Variants in LY9 observed in about 807,000 individuals in gnomAD.
LY9 encodes lymphocyte antigen 9.
A neutral mutation model predicts 64.6 loss-of-function variants in LY9; 59 were observed. The observed-to-expected ratio is 0.91, with a 90% confidence interval of 0.74 to 1.13. LY9 has a LOEUF of 1.13. Among genes scored for constraint, LY9 ranks in the 50% most tolerant of loss-of-function variants. LY9 has a pLI of 0.00. For missense variants in LY9, 789 were observed against 797.2 expected (o/e 0.99, Z 0.12); for synonymous variants, 281 against 308.5 (o/e 0.91, Z 0.93).
At chr1:160,809,011 GTAGAAATATTGTTTCTGCTTA>G (rs1440713175) in intron 2 of LY9, among the ~76,000 whole-genome samples, 3 of 151,986 alleles carry the variant, frequency 2.0e-5, no homozygotes, top group Non-Finnish European at 2.9e-5. Flanking sequence ...TCTCCTACTT[GTAGAAATATTGTTTCTGCTTA>G]TAGAAATATT....
In LY9 at chr1:160,816,610, C is replaced by A. The variant is rs754376347; in HGVS notation, c.1089C>A (p.Pro363=). Residue 363 remains proline, a synonymous_variant, in exon 5 of 10, where the codon CCC becomes CCA. Transcript: ENST00000263285. ...TCCTCACAGGCAGGCTGAGGAAGCC[C>A]AAAATCACGTGGAGCCTCAGGCACA... ...TLLIYRRLRK[P]KITWSLRHSE... 8 of 1,605,254 alleles carry A rather than the reference C, an allele frequency of 5.0e-6. No homozygotes were observed. The Admixed American group carries it at 6.8e-5, about 14-fold the overall frequency.
intron 6 of LY9, among the ~76,000 whole-genome samples, chr1:160,818,817 T>C (rs1399270114): frequency 1.3e-5 from 2 of 151,948 alleles, no homozygotes; most frequent in East Asian, 1.9e-4. Context: ...GGGAAGAAAA[T>C]GTGCTTCCCT....
chr1:160,807,549 C>T (rs1157551106), intron 2 of LY9, among the ~76,000 whole-genome samples: 3 of 152,162 alleles, frequency 2.0e-5, no homozygotes, highest in Non-Finnish European at 4.4e-5. Context: ...GTGGCTTGCT[C>T]AGATACCGAT....
chr1:160,801,800 T>C, intron 2 of LY9: 1 of 1,613,594 alleles, frequency 6.2e-7, no homozygotes, highest in Non-Finnish European at 8.5e-7. Flanking sequence ...CACCATTTAT[T>C]GAAAAGTTGT....
chr1:160,806,555 T>A (rs1667008736), intron 2 of LY9, among the ~76,000 whole-genome samples: 1 of 152,212 alleles, frequency 6.6e-6, no homozygotes, highest in African/African-American at 2.4e-5. Flanking sequence ...AATATATTAT[T>A]CCATTTTCTT....
intron 7 of LY9, among the ~76,000 whole-genome samples, chr1:160,820,673 G>T (rs1668349013): frequency 6.6e-6 from 1 of 151,994 alleles, no homozygotes; most frequent in Non-Finnish European, 1.5e-5. Flanking sequence ...CTTGGGCAGA[G>T]GGTAAAGAGA....
rs201897095 is a variant in LY9 at position 160,797,948 on chromosome 1, G to A, written c.124+1637G>A. Among the ~76,000 whole-genome samples the A allele has an allele frequency of 2.0e-5, 3 of 152,000 alleles. No individual in the cohort carries two copies. The East Asian group carries it at 5.8e-4, about 29-fold the overall frequency. ...TTGTTATTATTATAATTACTGTTAC[G>A]TGCATTCTTTGGAAACTATTAAGAG... On this transcript the variant is annotated intron_variant, in intron 1 of 9. Coordinates refer to ENST00000263285, the MANE Select transcript of LY9 (RefSeq NM_002348.4).
intron 9 of LY9, among the ~76,000 whole-genome samples, chr1:160,825,135 G>T (rs1182944525): frequency 6.6e-6 from 1 of 151,864 alleles, no homozygotes; most frequent in Non-Finnish European, 1.5e-5. Context: ...TTGAGCCGGG[G>T]AGTTCAAGGC....
In LY9 at chr1:160,816,703, C is replaced by T; in HGVS notation, c.1182C>T (p.Tyr394=). ...SVEDGGNTVM[Y]TWTPLQKEAV... Reference sequence around the variant, plus strand: ...AGGACGGGGGAAACACTGTCATGTACACATGGACCCCGCTGCAGAAGGAAG... The same window carrying T: ...AGGACGGGGGAAACACTGTCATGTATACATGGACCCCGCTGCAGAAGGAAG... The change falls in exon 5 of 10, where the codon TAC becomes TAT. Residue 394 remains tyrosine, a synonymous_variant. Transcript: ENST00000263285. 6.2e-7 allele frequency: 1 copy of T among 1,614,224 alleles called. No individual in the cohort carries two copies. Among genetic ancestry groups the T allele is most frequent in the East Asian group, 2.2e-5 (1 of 44,888 alleles).
chr1:160,809,451 T>TC (rs1667292243), intron 2 of LY9, among the ~76,000 whole-genome samples: 3 of 152,002 alleles, frequency 2.0e-5, no homozygotes, highest in Admixed American at 2.0e-4. Context: ...GCTGTCCCCT[T>TC]CCCTCAACCT....
Position 160,801,794 on chromosome 1 carries a change from A to ATT in LY9, c.454+1714_454+1715dup, listed in dbSNP as rs750506349. On this transcript the variant is annotated intron_variant, in intron 2 of 9. Coordinates refer to ENST00000263285, the MANE Select transcript of LY9 (RefSeq NM_002348.4). ...GTGACTATTCAATTTTCCCAGCACC[A>ATT]TTTATTGAAAAGTTGTCCGTCCACG... 9 of 1,612,486 alleles carry ATT rather than the reference A, an allele frequency of 5.6e-6. No individual in the cohort carries two copies. The South Asian group carries it at 9.9e-5, about 18-fold the overall frequency.
chr1:160,806,386 A>C (rs568064869), intron 2 of LY9, among the ~76,000 whole-genome samples: 187 of 152,228 alleles, frequency 1.2e-3, no homozygotes, highest in Non-Finnish European at 2.5e-3. Flanking sequence ...GGTAAATGTC[A>C]TCTTTTGCTT....
chr1:160,803,519 T>C (rs1325436054), intron 2 of LY9, among the ~76,000 whole-genome samples: 4 of 152,332 alleles, frequency 2.6e-5, no homozygotes, highest in South Asian at 4.1e-4. Context: ...TCCTTGGTTA[T>C]ACTTGTTCCT....
At chr1:160,797,146 C>T in intron 1 of LY9, 1 of 985,540 alleles carries the variant, frequency 1.0e-6, no homozygotes, top group Non-Finnish European at 1.2e-6. Flanking sequence ...GCTGCATGGC[C>T]CGGAACCCCA....
At chr1:160,802,129 G>C in intron 2 of LY9, 1 of 1,345,214 alleles carries the variant, frequency 7.4e-7, no homozygotes, top group Non-Finnish European at 9.5e-7. Flanking sequence ...GGAGACTCCT[G>C]GTCTGTGAAG....
chr1:160,796,330 C>T lies in LY9; in HGVS notation c.124+19C>T. On this transcript the variant is annotated intron_variant, in intron 1 of 9. Transcript: ENST00000263285. ...CTCATGGGTAAGTCCACTTTATGGC[C>T]ACCACTTCTTGCTACTGCGGTTCTT... 1 of 1,608,918 alleles carries T rather than the reference C, an allele frequency of 6.2e-7. No homozygotes were observed. Among genetic ancestry groups the T allele is most frequent in the Non-Finnish European group, 8.5e-7 (1 of 1,177,978 alleles).
rs148994887 is a variant in LY9 at position 160,818,795 on chromosome 1, C to T, written c.1444+476C>T. ...CCAGACCCACACATACTAACAGCTC[C>T]GACACCAGACAGGGAAGAAAATGTG... is the stretch of plus-strand genomic sequence containing the variant. On this transcript the variant is annotated intron_variant, in intron 6 of 9. Coordinates refer to ENST00000263285, the MANE Select transcript of LY9 (RefSeq NM_002348.4). Among the ~76,000 whole-genome samples, 445 of 152,192 alleles carry T rather than the reference C, an allele frequency of 2.9e-3. 2 individuals are homozygous for T. The highest frequency in any genetic ancestry group is 0.01 in the African/African-American group (425 of 41,524).
At chr1:160,822,256 C>G (rs1557817331) in intron 7 of LY9, among the ~76,000 whole-genome samples, 1 of 151,952 alleles carries the variant, frequency 6.6e-6, no homozygotes, top group African/African-American at 2.4e-5. Context: ...GGGTGGGGAC[C>G]GGCTGCTGGT....
chr1:160,797,357 T>C, intron 1 of LY9: 3 of 881,894 alleles, frequency 3.4e-6, no homozygotes, highest in Non-Finnish European at 4.1e-6. Context: ...GATGCAGATA[T>C]GGGTGAACGA....
Sources: allele counts gnomAD v4.1 joint callset (sites outside exome capture counted in the v4.1 genomes callset), GRCh38; gene constraint gnomAD v4.1.1; transcripts MANE v1.5; gene names NCBI Gene and HGNC (gene_info 2026-07-23, HGNC 2026-07-21).